RPTOR: variants seen among roughly 807,000 people sequenced by gnomAD.
RPTOR encodes the protein regulatory-associated protein of mTOR.
Under a neutral mutation model 169.9 loss-of-function variants are expected in RPTOR, and 21 were observed. The observed-to-expected ratio is 0.12, with a 90% CI of 0.09 to 0.18. RPTOR has a LOEUF of 0.18. Among genes scored for constraint, RPTOR ranks in the 10% least tolerant of loss-of-function variants. The pLI is 1.00. For synonymous variants in RPTOR, 732 were observed against 753.2 expected, an observed-to-expected ratio of 0.97 and a Z score of 0.46; for missense variants, 1,133 against 1,855.9, an observed-to-expected ratio of 0.61 and a Z score of 7.16.
intron 28 of RPTOR, 48 bp downstream of exon 28, chr17:80,949,595 G>T (rs2144065847): frequency 6.7e-7 from 1 of 1,502,018 alleles, no homozygotes. Flanking sequence ...TCCCGGGGCT[G>T]CGGACGCACT....
intron 5 of RPTOR, among the ~76,000 whole-genome samples, chr17:80,743,819 A>G (rs1324776604): frequency 2.9e-5 from 2 of 68,354 alleles, no homozygotes; most frequent in Non-Finnish European, 6.4e-5. Flanking sequence ...CTACTAGCAG[A>G]GCCCTGGCTA....
chr17:80,919,609 G>A (rs1417011062), intron 21 of RPTOR, among the ~76,000 whole-genome samples: 1 of 152,234 alleles, frequency 6.6e-6, no homozygotes, highest in Non-Finnish European at 1.5e-5. Flanking sequence ...AGGAGACAGG[G>A]TGGGTCTCAT....
intron 10 of RPTOR, 56 bp from the exon 11 acceptor site, chr17:80,846,417 G>T: frequency 1.3e-6 from 2 of 1,557,570 alleles, no homozygotes; most frequent in South Asian, 1.1e-5. Context: ...GGGTGGGCAA[G>T]ACCAGGCCAT....
intron 1 of RPTOR, among the ~76,000 whole-genome samples, chr17:80,622,267 T>C (rs2065360265): frequency 6.6e-6 from 1 of 152,136 alleles, no homozygotes; most frequent in African/African-American, 2.4e-5. Context: ...GATTTAAAAG[T>C]GTTGTGAGGC....
chr17:80,824,146 A>G (rs1035449777), intron 9 of RPTOR, among the ~76,000 whole-genome samples: 4 of 152,248 alleles, frequency 2.6e-5, no homozygotes, highest in Non-Finnish European at 5.9e-5. Flanking sequence ...GTTAGAAATA[A>G]TCTAATTTTT....
intron 21 of RPTOR, among the ~76,000 whole-genome samples, chr17:80,921,474 G>A (rs751580322): frequency 3.3e-5 from 5 of 152,198 alleles, no homozygotes; most frequent in Admixed American, 1.3e-4. Context: ...CTGGGCCCTC[G>A]CGAGGTCATG....
rs201229448 is a variant in RPTOR, at chr17:80,616,298, CTTTTTTTT to C, written c.163-9379_163-9372del. ...AATCCATTTATTGAAAATTGAAAAT[CTTTTTTTT>C]TTTTTTTTTTTTTGAGACGGAGTCT... On this transcript the variant is annotated intron_variant, in intron 1 of 33. Transcript: ENST00000306801. Among the ~76,000 whole-genome samples the C allele has an allele frequency of 9.7e-5, 11 of 113,288 alleles. 1 individual carries two copies. The highest frequency in any genetic ancestry group is 6.1e-4 in the East Asian group (2 of 3,286). 74.3% of individuals were successfully genotyped at this position (113,288 alleles called of 152,430 possible).
At chr17:80,757,185 A>G (rs12602935) in intron 6 of RPTOR, among the ~76,000 whole-genome samples, 40,981 of 152,108 alleles carry the variant, frequency 0.27, 6,819 homozygotes, top group East Asian at 0.52. Flanking sequence ...GAACAAGAAT[A>G]TGGCAGAGCT....
chr17:80,706,470 A>C (rs1309838606), intron 3 of RPTOR, among the ~76,000 whole-genome samples: 1 of 152,166 alleles, frequency 6.6e-6, no homozygotes, highest in East Asian at 1.9e-4. Flanking sequence ...GGTTCTCTGG[A>C]AGTTGGCACA....
chr17:80,965,057 G>C lies in RPTOR; in HGVS notation c.*727G>C, dbSNP rs527817362. The C allele has an allele frequency of 5.1e-5, 12 of 233,380 alleles. No individual in the cohort carries two copies. In the East Asian group the frequency reaches 6.0e-4, roughly 12 times the overall value. 14.5% of individuals were successfully genotyped at this position (233,380 alleles called of 1,614,324 possible). A position where few individuals can be genotyped will look rare whatever the true frequency, so the allele number is the denominator to read the frequency against. ...TGGCCCCTCTCACACAGAGCTGTCA[G>C]CAGGGGCCGCTGTGGCGGTGCACAG... On this transcript the variant is annotated 3_prime_UTR_variant, in exon 34 of 34. Coordinates refer to ENST00000306801, the MANE Select transcript of RPTOR (RefSeq NM_020761.3).
chr17:80,724,873 G>A (rs62067914), intron 4 of RPTOR, among the ~76,000 whole-genome samples: 8,036 of 152,264 alleles, frequency 0.053, 274 homozygotes, highest in Non-Finnish European at 0.078. Flanking sequence ...TGGCGGCACC[G>A]TGTCGTTCTG....
At chr17:80,865,859 G>A (rs2067983928) in intron 13 of RPTOR, among the ~76,000 whole-genome samples, 1 of 152,096 alleles carries the variant, frequency 6.6e-6, no homozygotes, top group South Asian at 2.1e-4. Flanking sequence ...CACAGAGGCT[G>A]TGCCACGATA....
At chr17:80,732,594 C>T (rs1350253121) in intron 5 of RPTOR, among the ~76,000 whole-genome samples, 1 of 152,182 alleles carries the variant, frequency 6.6e-6, no homozygotes, top group Non-Finnish European at 1.5e-5. Flanking sequence ...CAAGGCAATG[C>T]GATACCGTAT....
chr17:80,825,378 C>T (rs887225239), intron 9 of RPTOR, among the ~76,000 whole-genome samples: 1 of 152,274 alleles, frequency 6.6e-6, no homozygotes, highest in African/African-American at 2.4e-5. Flanking sequence ...CACAGGGCAG[C>T]CACATCCCAC....
chr17:80,697,689 G>A (rs1474195315), intron 3 of RPTOR, among the ~76,000 whole-genome samples: 1 of 152,248 alleles, frequency 6.6e-6, no homozygotes, highest in Non-Finnish European at 1.5e-5. Flanking sequence ...GCCACGGTGG[G>A]AACGTGGTGA....
intron 3 of RPTOR, among the ~76,000 whole-genome samples, chr17:80,668,150 T>C (rs1219505808): frequency 6.6e-6 from 1 of 152,162 alleles, no homozygotes; most frequent in African/African-American, 2.4e-5. Flanking sequence ...GTAGCAGGCC[T>C]GAGGGGTAGC....
At chr17:80,873,902 G>C (rs2068077897) in intron 13 of RPTOR, among the ~76,000 whole-genome samples, 1 of 152,188 alleles carries the variant, frequency 6.6e-6, no homozygotes, top group Non-Finnish European at 1.5e-5. Context: ...CTGTGCTGGG[G>C]AAGTCGTGCA....
chr17:80,577,051 G>A (rs1028179446), intron 1 of RPTOR, among the ~76,000 whole-genome samples: 4 of 137,612 alleles, frequency 2.9e-5, no homozygotes, highest in African/African-American at 1.1e-4. Flanking sequence ...TTTTTTTTGA[G>A]ATGAAGCTTC....
At chr17:80,862,749 G>T (rs1321088400) in intron 13 of RPTOR, among the ~76,000 whole-genome samples, 3 of 149,942 alleles carry the variant, frequency 2.0e-5, no homozygotes, top group African/African-American at 7.6e-5. Flanking sequence ...GCCTCCTGCA[G>T]CCCTCAGCCG....
Sources: allele counts gnomAD v4.1 joint callset (sites outside exome capture counted in the v4.1 genomes callset), GRCh38; gene constraint gnomAD v4.1.1; transcripts MANE v1.5; gene names NCBI Gene and HGNC (gene_info 2026-07-23, HGNC 2026-07-21).